Variants in ARHGEF28 observed in about 807,000 individuals in gnomAD.
The protein encoded by ARHGEF28 is Rho guanine nucleotide exchange factor 28, also known as 190 kDa guanine nucleotide exchange factor.
A neutral mutation model predicts 206.6 loss-of-function variants in ARHGEF28; 152 were observed. The observed-to-expected ratio is 0.74, with a 90% CI of 0.64 to 0.84. The LOEUF (loss-of-function observed/expected upper bound fraction) is 0.84, where lower values mean the gene tolerates loss of function less well. Ranked by LOEUF, ARHGEF28 falls within the 40% of genes least tolerant of loss-of-function variation. ARHGEF28 has a pLI of 0.00. For missense variants in ARHGEF28, 2,028 were observed against 2,073.2 expected, an observed-to-expected ratio of 0.98 and a Z score of 0.42; for synonymous variants, 763 against 776.4, an observed-to-expected ratio of 0.98 and a Z score of 0.29.
chr5:73,847,346 A>C (rs1316648723), intron 12 of ARHGEF28, among the ~76,000 whole-genome samples: 1 of 152,060 alleles, frequency 6.6e-6, no homozygotes, highest in African/African-American at 2.4e-5. Flanking sequence ...ATTTAATTTT[A>C]TTTTTTGAGT....
intron 4 of ARHGEF28, among the ~76,000 whole-genome samples, chr5:73,759,135 C>G (rs1752469407): frequency 7.9e-6 from 1 of 126,242 alleles, no homozygotes; most frequent in Non-Finnish European, 1.6e-5. Flanking sequence ...GTGGAACTAG[C>G]AGGACCCACT....
In ARHGEF28 at chr5:73,892,378, T is replaced by A. The variant is rs138931418; in HGVS notation, c.3566+148T>A. On this transcript the variant is annotated intron_variant, in intron 27 of 35. Coordinates refer to ENST00000513042, the MANE Select transcript of ARHGEF28 (RefSeq NM_001177693.2). ...CACCTGCCTGCGATAGCCCCCCATC[T>A]GCAGCTTTCTCCTCCACGCCTCCCT... The A allele has an allele frequency of 1.6e-3, 1,289 of 818,794 alleles. 19 individuals carry two copies. The African/African-American group carries it at 0.02, about 12-fold the overall frequency. The allele number at this position is 818,794 out of a possible 1,614,324, so 50.7% of individuals were successfully genotyped here.
At chr5:73,735,713 C>A (rs1436085591) in intron 2 of ARHGEF28, among the ~76,000 whole-genome samples, 1 of 152,188 alleles carries the variant, frequency 6.6e-6, no homozygotes, top group Admixed American at 6.5e-5. Flanking sequence ...CAAAACTCTT[C>A]CAGGAACTCT....
intron 21 of ARHGEF28, 57 bp downstream of exon 21, chr5:73,870,266 A>G (rs1257793362): frequency 1.1e-5 from 17 of 1,548,878 alleles, no homozygotes; most frequent in East Asian, 7.0e-5. Flanking sequence ...AGAAAAGAAC[A>G]TGGAATTTGC....
At chr5:73,792,620 T>C (rs1754545097) in intron 7 of ARHGEF28, among the ~76,000 whole-genome samples, 1 of 151,124 alleles carries the variant, frequency 6.6e-6, no homozygotes, top group Non-Finnish European at 1.5e-5. Flanking sequence ...GTTGAAACTC[T>C]GGTCCAGGTT....
intron 2 of ARHGEF28, among the ~76,000 whole-genome samples, chr5:73,742,205 C>T (rs1751475488): frequency 1.3e-5 from 2 of 151,830 alleles, no homozygotes; most frequent in South Asian, 2.1e-4. Context: ...AAGTATGTCT[C>T]TTGTTGGCAG....
intron 9 of ARHGEF28, among the ~76,000 whole-genome samples, chr5:73,822,772 C>T (rs2112541285): frequency 6.6e-6 from 1 of 152,268 alleles, no homozygotes; most frequent in East Asian, 1.9e-4. Flanking sequence ...TACAGACATG[C>T]ACCACCACAT....
At chr5:73,735,467 C>A (rs13362400) in intron 2 of ARHGEF28, among the ~76,000 whole-genome samples, 49,257 of 151,770 alleles carry the variant, frequency 0.32, 8,903 homozygotes, top group African/African-American at 0.48. Flanking sequence ...CAGGAGGTGG[C>A]TAGAGATCCA....
intron 1 of ARHGEF28, among the ~76,000 whole-genome samples, chr5:73,634,268 T>A (rs1218312747): frequency 6.6e-6 from 1 of 152,226 alleles, no homozygotes; most frequent in Non-Finnish European, 1.5e-5. Flanking sequence ...CAAGTAGGCT[T>A]GTTCAACTAA....
chr5:73,923,701 G>A (rs910488088), intron 35 of ARHGEF28, among the ~76,000 whole-genome samples: 1 of 152,126 alleles, frequency 6.6e-6, no homozygotes, highest in African/African-American at 2.4e-5. Flanking sequence ...GTAAAACATT[G>A]ATCTTCTCAA....
chr5:73,760,386 T>C (rs1401919207), intron 4 of ARHGEF28, among the ~76,000 whole-genome samples: 2 of 152,152 alleles, frequency 1.3e-5, no homozygotes, highest in Non-Finnish European at 2.9e-5. Flanking sequence ...CTTGGAAATC[T>C]TGACATTTTT....
chr5:73,931,882 A>T (rs926872928), intron 35 of ARHGEF28, among the ~76,000 whole-genome samples: 2 of 152,208 alleles, frequency 1.3e-5, no homozygotes, highest in African/African-American at 4.8e-5. Context: ...AGAGATGTAT[A>T]CAAAATATGT....
intron 31 of ARHGEF28, 23 bp downstream of exon 31, chr5:73,901,307 T>TA (rs1293826375): frequency 6.3e-7 from 1 of 1,599,054 alleles, no homozygotes; most frequent in African/African-American, 1.3e-5. Context: ...GATTTGTTAG[T>TA]AAACGGCAGC....
At chr5:73,919,993 T>A (rs1394747548) in intron 35 of ARHGEF28, among the ~76,000 whole-genome samples, 1 of 152,218 alleles carries the variant, frequency 6.6e-6, no homozygotes, top group Non-Finnish European at 1.5e-5. Context: ...GTTTGATATA[T>A]GATGAAGATT....
chr5:73,740,742 T>C (rs1053484268), intron 2 of ARHGEF28, among the ~76,000 whole-genome samples: 1 of 152,182 alleles, frequency 6.6e-6, no homozygotes, highest in African/African-American at 2.4e-5. Flanking sequence ...TGTTGTCAGC[T>C]TTGTCTATAT....
At chr5:73,876,141 T>G (rs924419940) in intron 22 of ARHGEF28, among the ~76,000 whole-genome samples, 13 of 149,630 alleles carry the variant, frequency 8.7e-5, no homozygotes, top group Admixed American at 8.0e-4. Flanking sequence ...TTCACGTCCC[T>G]TGTAAGTTGG....
At chr5:73,703,896 C>T (rs967678360) in intron 2 of ARHGEF28, among the ~76,000 whole-genome samples, 5 of 151,586 alleles carry the variant, frequency 3.3e-5, no homozygotes, top group Non-Finnish European at 5.9e-5. Flanking sequence ...ATGTGACGTG[C>T]GCCTGTAGTC....
At chr5:73,652,987 G>A (rs546578874) in intron 1 of ARHGEF28, among the ~76,000 whole-genome samples, 1 of 152,216 alleles carries the variant, frequency 6.6e-6, no homozygotes, top group Non-Finnish European at 1.5e-5. Flanking sequence ...TGCCGTCAGT[G>A]TGTAGTTAAT....
chr5:73,891,073 C>G (rs1761597269), intron 26 of ARHGEF28, among the ~76,000 whole-genome samples: 1 of 152,132 alleles, frequency 6.6e-6, no homozygotes, highest in Non-Finnish European at 1.5e-5. Flanking sequence ...ACTAGTCCTA[C>G]CAACATTTAT....
Sources: gnomAD v4.1 joint callset for allele counts (sites outside exome capture counted in the v4.1 genomes callset) on GRCh38, gnomAD v4.1.1 for gene constraint, MANE v1.5 for transcripts, NCBI Gene and HGNC (gene_info 2026-07-23, HGNC 2026-07-21) for gene names.